PPP2R2A: variants seen among roughly 807,000 people sequenced by gnomAD.
PPP2R2A encodes protein phosphatase 2 regulatory subunit Balpha, also known as serine/threonine-protein phosphatase 2A 55 kDa regulatory subunit B alpha isoform.
A neutral mutation model predicts 53.2 loss-of-function variants in PPP2R2A; 9 were observed. The ratio of observed to expected loss-of-function variants is 0.17; its 90% CI spans 0.10 to 0.30. The LOEUF (loss-of-function observed/expected upper bound fraction) is 0.30, where lower values mean the gene tolerates loss of function less well. Ranked by LOEUF, PPP2R2A falls within the 10% of genes least tolerant of loss-of-function variation. PPP2R2A has a pLI of 1.00. For missense variants in PPP2R2A, 235 were observed against 534.6 expected (o/e 0.44, Z 5.53); for synonymous variants, 169 against 174.2 (o/e 0.97, Z 0.23).
intron 2 of PPP2R2A, among the ~76,000 whole-genome samples, chr8:26,314,725 G>C (rs1471069717): frequency 6.6e-6 from 1 of 152,140 alleles, no homozygotes; most frequent in African/African-American, 2.4e-5. Flanking sequence ...TCTGGATGAT[G>C]TGCTTTGGTG....
At chr8:26,299,877 G>A (rs1397487920) in intron 2 of PPP2R2A, among the ~76,000 whole-genome samples, 2 of 152,102 alleles carry the variant, frequency 1.3e-5, no homozygotes, top group African/African-American at 4.8e-5. Context: ...TGGCACATTA[G>A]CTGTATTCCG....
chr8:26,350,968 A>G (rs903908987), intron 3 of PPP2R2A, among the ~76,000 whole-genome samples: 2 of 152,184 alleles, frequency 1.3e-5, no homozygotes, highest in Non-Finnish European at 2.9e-5. Context: ...GCTGGGCAAT[A>G]TAGCAAGACC....
chr8:26,314,418 T>C (rs1802441988), intron 2 of PPP2R2A, among the ~76,000 whole-genome samples: 1 of 152,226 alleles, frequency 6.6e-6, no homozygotes, highest in Admixed American at 6.5e-5. Context: ...GGGAATTCTT[T>C]TGCCTCTGCT....
At chr8:26,332,494 A>G (rs1416996080) in intron 2 of PPP2R2A, among the ~76,000 whole-genome samples, 2 of 151,372 alleles carry the variant, frequency 1.3e-5, no homozygotes, top group Non-Finnish European at 2.9e-5. Flanking sequence ...GGGCATTTAC[A>G]TATTAACTTG....
In PPP2R2A at chr8:26,362,877, G is replaced by T. The variant is rs1469020678; in HGVS notation, c.802+29G>T. On this transcript the variant is annotated intron_variant, in intron 7 of 9. Transcript: ENST00000380737. The surrounding 1 kb of genome is among the most constrained non-coding windows in gnomAD (Gnocchi z 4.4). The stretch of plus-strand genomic sequence containing the variant: ...AGTTTATTGTATCTTTCCTTAAAAT[G>T]ATTACATATTCTGTTTGTCTGAAAT... 1.9e-6 allele frequency: 3 copies of T among 1,591,252 alleles called. No individual in the cohort carries two copies. The highest frequency in any genetic ancestry group is 2.6e-6 in the Non-Finnish European group (3 of 1,162,996).
intron 9 of PPP2R2A, 74 bp downstream of exon 9, chr8:26,366,480 T>C: frequency 8.7e-7 from 1 of 1,151,546 alleles, no homozygotes; most frequent in Non-Finnish European, 1.2e-6. Flanking sequence ...AGGTCCTAAC[T>C]TCGTCTCTAG....
rs192714127 is a variant in PPP2R2A, at chr8:26,338,645, T to C, written c.83-245T>C. On this transcript the variant is annotated intron_variant, in intron 2 of 9. Transcript: ENST00000380737. The surrounding 1 kb of genome is among the most constrained non-coding windows in gnomAD (Gnocchi z 4.5). ...ACAAATTTAGTGAAATGTTAATAAATTAGTATTTGTTGTATTCTCTGTTAA... is the reference window on the plus strand; with the variant it reads ...ACAAATTTAGTGAAATGTTAATAAACTAGTATTTGTTGTATTCTCTGTTAA... Among the ~76,000 whole-genome samples the C allele has an allele frequency of 7.2e-5, 11 of 152,350 alleles. No homozygotes were observed. Among genetic ancestry groups the C allele is most frequent in the Non-Finnish European group, 1.3e-4 (9 of 68,036 alleles).
Position 26,360,100 on chromosome 8 carries a change from A to G in PPP2R2A, c.347-69A>G, listed in dbSNP as rs1203024769. The G allele has an allele frequency of 3.8e-6, 3 of 791,802 alleles. No homozygotes were observed. The highest frequency in any genetic ancestry group is 1.9e-5 in the South Asian group (1 of 52,540). The allele number at this position is 791,802 out of a possible 1,614,324, so 49.0% of individuals were successfully genotyped here. On this transcript the variant is annotated intron_variant, in intron 4 of 9. Coordinates refer to ENST00000380737, the MANE Select transcript of PPP2R2A (RefSeq NM_002717.4). The surrounding 1 kb of genome is among the most constrained non-coding windows in gnomAD (Gnocchi z 4.5). ...CCTTTTACGTGAAATGTGAAATAGC[A>G]TATTTTAAATGCCTTAAAATGTTTT...
At chr8:26,303,852 A>G (rs2117209101) in intron 2 of PPP2R2A, among the ~76,000 whole-genome samples, 1 of 152,350 alleles carries the variant, frequency 6.6e-6, no homozygotes, top group Non-Finnish European at 1.5e-5. Context: ...CTCTTGGCAT[A>G]TGTGGAATCC....
At chr8:26,337,588 G>A (rs1004348259) in intron 2 of PPP2R2A, among the ~76,000 whole-genome samples, 3 of 152,182 alleles carry the variant, frequency 2.0e-5, no homozygotes, top group African/African-American at 7.2e-5. Flanking sequence ...ACTTACTGGT[G>A]TTTGGCTTTA....
intron 2 of PPP2R2A, among the ~76,000 whole-genome samples, chr8:26,314,888 T>TTCCCCCC (rs1563291388): frequency 1.5e-5 from 1 of 65,794 alleles, no homozygotes; most frequent in African/African-American, 6.6e-5. Context: ...TTTTTTCCCT[T>TTCCCCCC]CCCCCCCCCC....
intron 2 of PPP2R2A, among the ~76,000 whole-genome samples, chr8:26,332,816 A>G (rs1184253744): frequency 2.0e-5 from 3 of 152,246 alleles, no homozygotes; most frequent in African/African-American, 4.8e-5. Context: ...CATTTTGACA[A>G]TGAAAAAGAG....
intron 2 of PPP2R2A, among the ~76,000 whole-genome samples, chr8:26,315,756 TCTG>T (rs1332794763): frequency 6.6e-6 from 1 of 152,232 alleles, no homozygotes; most frequent in Non-Finnish European, 1.5e-5. Context: ...TTACCTTCCT[TCTG>T]CTGTTGCCTT....
rs1436073220 is a variant in PPP2R2A, at chr8:26,321,545, G to A, written c.83-17345G>A. Among the ~76,000 whole-genome samples, 1 of 152,212 alleles carries A rather than the reference G, an allele frequency of 6.6e-6. No homozygotes were observed. The highest frequency in any genetic ancestry group is 2.4e-5 in the African/African-American group (1 of 41,456). ...GTTACAGAAAGGTTTTGGCATCCAT[G>A]TTGGGCTGCCCTATTTCACTTGCTG... On this transcript the variant is annotated intron_variant, in intron 2 of 9. Transcript: ENST00000380737. The surrounding 1 kb of genome is among the most constrained non-coding windows in gnomAD (Gnocchi z 4.1).
intron 2 of PPP2R2A, among the ~76,000 whole-genome samples, chr8:26,325,521 G>C (rs1803044099): frequency 6.6e-6 from 1 of 152,136 alleles, no homozygotes; most frequent in Admixed American, 6.5e-5. Context: ...TCCCTGTTTA[G>C]ATGCTGTTAA....
intron 2 of PPP2R2A, among the ~76,000 whole-genome samples, chr8:26,322,287 A>C (rs1479208752): frequency 6.6e-6 from 1 of 152,238 alleles, no homozygotes; most frequent in Non-Finnish European, 1.5e-5. Context: ...AATTGTAACA[A>C]AAATATAAGG....
At position 26,362,894 on chromosome 8, in the gene PPP2R2A, G is replaced by T; in HGVS notation, c.802+46G>T. 6.4e-7 allele frequency: 1 copy of T among 1,560,980 alleles called. No individual in the cohort carries two copies. Among genetic ancestry groups the T allele is most frequent in the Non-Finnish European group, 8.8e-7 (1 of 1,141,338 alleles). On this transcript the variant is annotated intron_variant, in intron 7 of 9. Coordinates refer to ENST00000380737, the MANE Select transcript of PPP2R2A (RefSeq NM_002717.4). This position sits in a 1 kb window ranked among gnomAD's most constrained non-coding sequence, Gnocchi z 4.4. ...CTTAAAATGATTACATATTCTGTTT[G>T]TCTGAAATAAGCCTCAGACATGATA...
intron 7 of PPP2R2A, 184 bp from the exon 8 acceptor site, chr8:26,363,537 A>G (rs914078011): frequency 7.7e-6 from 4 of 518,186 alleles, no homozygotes; most frequent in Non-Finnish European, 1.3e-5. Flanking sequence ...TTCAACTTCA[A>G]TATTCAATTA....
intron 1 of PPP2R2A, 104 bp from the exon 2 acceptor site, chr8:26,293,562 G>A: frequency 9.0e-7 from 1 of 1,116,562 alleles, no homozygotes; most frequent in Non-Finnish European, 1.3e-6. Flanking sequence ...TGTGTGGGCA[G>A]AACTAGGCTG....
Sources: gnomAD v4.1 joint callset for allele counts (sites outside exome capture counted in the v4.1 genomes callset) on GRCh38, gnomAD v4.1.1 for gene constraint, Gnocchi (gnomAD v3.1) non-coding constraint, MANE v1.5 for transcripts, NCBI Gene and HGNC (gene_info 2026-07-23, HGNC 2026-07-21) for gene names.